SKAP2: variants seen among roughly 807,000 people sequenced by gnomAD.
SKAP2 encodes src kinase associated phosphoprotein 2.
SKAP2 carries 28 observed loss-of-function variants against 54.9 expected under a neutral mutation model. The observed-to-expected ratio is 0.51, with a 90% CI of 0.38 to 0.70. The LOEUF (loss-of-function observed/expected upper bound fraction) is 0.70. Among genes scored for constraint, SKAP2 ranks in the 30% least tolerant of loss-of-function variants. The probability of loss-of-function intolerance (pLI) is 0.00; values close to 1 mark genes in which losing one functional copy is unlikely to be tolerated. For missense variants in SKAP2, 356 were observed against 424.1 expected (o/e 0.84, Z 1.41); for synonymous variants, 137 against 134.3 (o/e 1.02, Z -0.14).
At chr7:26,779,799 A>C (rs573004199) in intron 4 of SKAP2, among the ~76,000 whole-genome samples, 1 of 152,192 alleles carries the variant, frequency 6.6e-6, no homozygotes, top group Admixed American at 6.5e-5. Flanking sequence ...CTTTTAAAAA[A>C]CAAGTAATTT....
In SKAP2 at chr7:26,667,804, A is replaced by G. The variant is rs1366746033; in HGVS notation, c.*1862T>C. 1 of 152,548 alleles carries G rather than the reference A, an allele frequency of 6.6e-6. No homozygotes were observed. The highest frequency in any genetic ancestry group is 1.5e-5 in the Non-Finnish European group (1 of 68,036). The allele number at this position is 152,548 out of a possible 1,614,324, so 9.4% of individuals were successfully genotyped here. On this transcript the variant is annotated 3_prime_UTR_variant, in exon 13 of 13. Transcript: ENST00000345317. ...AAACTTCTTTTCAACCCAAAGCACA[A>G]ACCCAAATCCACAAAGGCTACATTG...
intron 1 of SKAP2, among the ~76,000 whole-genome samples, chr7:26,862,355 T>C (rs1785287755): frequency 6.6e-6 from 1 of 152,076 alleles, no homozygotes; most frequent in Non-Finnish European, 1.5e-5. Context: ...GTTAAATTTC[T>C]TTAAACATAA....
At chr7:26,797,328 T>A (rs1398501615) in intron 4 of SKAP2, among the ~76,000 whole-genome samples, 1 of 152,172 alleles carries the variant, frequency 6.6e-6, no homozygotes, top group Non-Finnish European at 1.5e-5. Context: ...CCTGTGTTAC[T>A]CCACCCCCCA....
At chr7:26,861,727 C>G (rs943632644) in intron 1 of SKAP2, among the ~76,000 whole-genome samples, 2 of 144,368 alleles carry the variant, frequency 1.4e-5, no homozygotes, top group African/African-American at 2.6e-5. Flanking sequence ...CATAATCAGA[C>G]AGAAAAATAA....
intron 9 of SKAP2, among the ~76,000 whole-genome samples, chr7:26,701,981 G>C (rs1273255429): frequency 6.6e-6 from 1 of 151,802 alleles, no homozygotes; most frequent in Non-Finnish European, 1.5e-5. Flanking sequence ...AATGTGTGTG[G>C]GTAATGGGCA....
At chr7:26,697,365 A>C (rs1180418932) in intron 9 of SKAP2, among the ~76,000 whole-genome samples, 1 of 152,160 alleles carries the variant, frequency 6.6e-6, no homozygotes, top group East Asian at 1.9e-4. Flanking sequence ...CATAGGTCAG[A>C]TTCGGTTGGT....
At chr7:26,719,104 G>A (rs1174317580) in intron 9 of SKAP2, among the ~76,000 whole-genome samples, 1 of 152,052 alleles carries the variant, frequency 6.6e-6, no homozygotes, top group Non-Finnish European at 1.5e-5. Flanking sequence ...CACTTGAGGA[G>A]TTTGAAGCTG....
intron 9 of SKAP2, 47 bp downstream of exon 9, chr7:26,725,381 C>A: frequency 1.2e-5 from 17 of 1,456,154 alleles, no homozygotes; most frequent in Non-Finnish European, 1.6e-5. Context: ...CTCACACACA[C>A]ACACACAGCC....
intron 3 of SKAP2, among the ~76,000 whole-genome samples, chr7:26,847,836 T>C (rs1784957361): frequency 6.6e-6 from 1 of 152,202 alleles, no homozygotes; most frequent in Admixed American, 6.5e-5. Flanking sequence ...AAGACATGAA[T>C]GTGTCCCTGT....
chr7:26,767,267 T>C (rs1329742524), intron 4 of SKAP2, among the ~76,000 whole-genome samples: 1 of 152,340 alleles, frequency 6.6e-6, no homozygotes, highest in South Asian at 2.1e-4. Flanking sequence ...GAGGTGTTTA[T>C]AGTATTCTCT....
chr7:26,777,118 T>C (rs545937029), intron 4 of SKAP2, among the ~76,000 whole-genome samples: 1 of 152,262 alleles, frequency 6.6e-6, no homozygotes, highest in South Asian at 2.1e-4. Flanking sequence ...GTTAAATGTC[T>C]GAAAATATTA....
intron 4 of SKAP2, among the ~76,000 whole-genome samples, chr7:26,801,974 G>A (rs906286722): frequency 1.3e-5 from 2 of 151,768 alleles, no homozygotes; most frequent in Non-Finnish European, 2.9e-5. Context: ...AAATACCAAT[G>A]ACATTCTTCC....
chr7:26,688,308 T>C (rs1584331565), intron 10 of SKAP2, among the ~76,000 whole-genome samples: 2 of 152,328 alleles, frequency 1.3e-5, no homozygotes, highest in South Asian at 4.1e-4. Context: ...TCCACATATC[T>C]GCAAGATATA....
In SKAP2 at chr7:26,847,401, T is replaced by C. The variant is rs1254540801; in HGVS notation, c.200-3264A>G. On this transcript the variant is annotated intron_variant, in intron 3 of 12. Transcript: ENST00000345317. ...GTAAAAGCTGCTGTCTTATAAGGAG[T>C]TTTAACTGAACGCAGGGGTTACTGT... Among the ~76,000 whole-genome samples, 3 of 151,754 alleles carry C rather than the reference T, an allele frequency of 2.0e-5. No individual in the cohort carries two copies. The East Asian group carries it at 5.8e-4, about 29-fold the overall frequency.
the SKAP2 span, among the ~76,000 whole-genome samples, chr7:26,656,145 A>G: frequency 6.6e-6 from 1 of 152,168 alleles, no homozygotes; most frequent in Non-Finnish European, 1.5e-5. Context: ...GCCGCAATTT[A>G]CTGCTGATTT....
At chr7:26,661,995 C>T in the SKAP2 span, among the ~76,000 whole-genome samples, 1 of 152,086 alleles carries the variant, frequency 6.6e-6, no homozygotes, top group African/African-American at 2.4e-5. Flanking sequence ...TATTCTAGGG[C>T]ACAAGGCACT....
chr7:26,807,044 G>A (rs1246895190), intron 4 of SKAP2, among the ~76,000 whole-genome samples: 1 of 152,150 alleles, frequency 6.6e-6, no homozygotes, highest in Admixed American at 6.5e-5. Flanking sequence ...CTGAAGACGT[G>A]ACTGAATTGT....
intron 4 of SKAP2, among the ~76,000 whole-genome samples, chr7:26,794,414 T>C (rs1205575161): frequency 1.3e-5 from 2 of 152,254 alleles, no homozygotes; most frequent in Non-Finnish European, 2.9e-5. Flanking sequence ...CAAAGATTTC[T>C]TCCTTGTCTA....
At chr7:26,672,209 T>C (rs566106433) in intron 11 of SKAP2, among the ~76,000 whole-genome samples, 4 of 152,160 alleles carry the variant, frequency 2.6e-5, no homozygotes, top group Non-Finnish European at 4.4e-5. Context: ...CAGAAAGTTA[T>C]TACTTTATAA....
Sources: gnomAD v4.1 joint callset for allele counts (sites outside exome capture counted in the v4.1 genomes callset) on GRCh38, gnomAD v4.1.1 for gene constraint, MANE v1.5 for transcripts, NCBI Gene and HGNC (gene_info 2026-07-23, HGNC 2026-07-21) for gene names.